SLC12A7: variants seen among roughly 807,000 people sequenced by gnomAD.
SLC12A7 encodes solute carrier family 12 member 7.
In SLC12A7, 100 loss-of-function variants were observed where a neutral mutation model predicts 120.6. The observed-to-expected ratio is 0.83, with a 90% CI of 0.71 to 0.98. The LOEUF (loss-of-function observed/expected upper bound fraction) is 0.98. Ranked by LOEUF, SLC12A7 falls within the 50% of genes least tolerant of loss-of-function variation. SLC12A7 has a pLI of 0.00. For missense variants in SLC12A7, 1,373 were observed against 1,548.1 expected (o/e 0.89, Z 1.90); for synonymous variants, 760 against 678.0 (o/e 1.12, Z -1.88).
At chr5:1,152,996 T>G in the SLC12A7 span, among the ~76,000 whole-genome samples, 1 of 152,222 alleles carries the variant, frequency 6.6e-6, no homozygotes, top group East Asian at 1.9e-4. Flanking sequence ...TTTTTAAACT[T>G]GGTTTACATT....
intron 20 of SLC12A7, among the ~76,000 whole-genome samples, chr5:1,061,073 C>T (rs1384437830): frequency 9.7e-5 from 10 of 103,348 alleles, no homozygotes; most frequent in African/African-American, 3.6e-4. Flanking sequence ...ACCCGCCGCA[C>T]CTGCCGCATC....
intron 10 of SLC12A7, 122 bp from the exon 11 acceptor site, chr5:1,078,880 T>C: frequency 2.7e-6 from 2 of 741,562 alleles, no homozygotes; most frequent in South Asian, 3.3e-5. Flanking sequence ...AGGATCCAGG[T>C]GGGCGGGGAC....
intron 16 of SLC12A7, among the ~76,000 whole-genome samples, 186 bp downstream of exon 16, chr5:1,074,381 C>A (rs1738082376): frequency 6.6e-6 from 1 of 152,304 alleles, no homozygotes; most frequent in South Asian, 2.1e-4. Flanking sequence ...CCCCACCCTG[C>A]AGCAGGGACA....
chr5:1,080,645 G>T (rs1738944085), intron 9 of SLC12A7, among the ~76,000 whole-genome samples: 1 of 152,228 alleles, frequency 6.6e-6, no homozygotes, highest in Admixed American at 6.5e-5. Flanking sequence ...GAGACAGCCG[G>T]GGGCGTGTGT....
chr5:1,149,187 A>G, the SLC12A7 span, among the ~76,000 whole-genome samples: 2 of 146,854 alleles, frequency 1.4e-5, no homozygotes, highest in East Asian at 3.9e-4. Context: ...AGCTTCTGAC[A>G]TCTGTTTTCC....
At position 1,076,775 on chromosome 5, in the gene SLC12A7, C is replaced by T. The variant is rs760840657; in HGVS notation, c.1667G>A (p.Trp556Ter). 2 of 1,611,102 alleles carry T rather than the reference C, an allele frequency of 1.2e-6. No individual in the cohort carries two copies. The highest frequency in any genetic ancestry group is 8.5e-7 in the Non-Finnish European group (1 of 1,179,936). Residue 556 changes from tryptophan (W) to a stop codon, truncating the protein, a stop_gained, in exon 13 of 24, where the codon TGG becomes TAG. Coordinates refer to ENST00000264930, the MANE Select transcript of SLC12A7 (RefSeq NM_006598.3). LOFTEE classifies it high-confidence loss of function. ...GHGKANGEPT[W>*]ALLLTVLICE... is the part of the protein sequence containing the mutation. Reference sequence around the variant, plus strand: ...GATGAGGACTGTCAGCAGCAGCGCCCACGTGGGCTCCCCGTTGGCCTTCCC... The same window carrying T: ...GATGAGGACTGTCAGCAGCAGCGCCTACGTGGGCTCCCCGTTGGCCTTCCC...
At chr5:1,074,056 G>A (rs1379766913) in intron 16 of SLC12A7, among the ~76,000 whole-genome samples, 1 of 152,160 alleles carries the variant, frequency 6.6e-6, no homozygotes, top group Non-Finnish European at 1.5e-5. Flanking sequence ...ATGGACAGGT[G>A]GGCACTAGCC....
Position 1,073,625 on chromosome 5 carries a change from C to G in SLC12A7, c.2241+8G>C, listed in dbSNP as rs181650488. 3 of 1,597,934 alleles carry G rather than the reference C, an allele frequency of 1.9e-6. No homozygotes were observed. Among genetic ancestry groups the G allele is most frequent in the Non-Finnish European group, 2.6e-6 (3 of 1,173,718 alleles). On this transcript the variant is annotated splice_region_variant and intron_variant, in intron 17 of 23. Coordinates refer to ENST00000264930, the MANE Select transcript of SLC12A7 (RefSeq NM_006598.3). Reference sequence around the variant, plus strand: ...AGAGGCCTGGCCCCCAGACCCCGCCCGGCCCACCTCCTCGGCCCGCTGAGC... The same window carrying G: ...AGAGGCCTGGCCCCCAGACCCCGCCGGGCCCACCTCCTCGGCCCGCTGAGC...
the SLC12A7 span, among the ~76,000 whole-genome samples, chr5:1,146,698 G>A: frequency 6.6e-6 from 1 of 152,154 alleles, no homozygotes; most frequent in East Asian, 1.9e-4. This position sits in a 1 kb window ranked among gnomAD's most constrained non-coding sequence, Gnocchi z 6.5. Context: ...TCTTCTCTCT[G>A]GAGCCTGCTA....
the SLC12A7 span, among the ~76,000 whole-genome samples, chr5:1,126,822 G>A: frequency 9.1e-4 from 139 of 152,318 alleles, 5 homozygotes; most frequent in South Asian, 0.027. Flanking sequence ...CTTAAGGGAC[G>A]AGTCACCACT....
At chr5:1,098,335 C>A (rs1741569603) in intron 1 of SLC12A7, among the ~76,000 whole-genome samples, 1 of 13,386 alleles carries the variant, frequency 7.5e-5, no homozygotes, top group Non-Finnish European at 1.7e-4. Context: ...CCCCCTCTAA[C>A]CCTCTGCACA....
the SLC12A7 span, among the ~76,000 whole-genome samples, chr5:1,149,115 C>T: frequency 4.3e-5 from 6 of 138,862 alleles, no homozygotes; most frequent in African/African-American, 1.7e-4. Context: ...AGAAGGGGGA[C>T]TGTGGATCCT....
chr5:1,059,427 C>T (rs1249758849), intron 21 of SLC12A7, among the ~76,000 whole-genome samples: 8 of 152,222 alleles, frequency 5.3e-5, no homozygotes, highest in Admixed American at 2.6e-4. Context: ...CTGCCTCCGC[C>T]GTCACTGCAG....
intron 1 of SLC12A7, among the ~76,000 whole-genome samples, chr5:1,094,640 C>A (rs1329909586): frequency 6.6e-6 from 1 of 152,208 alleles, no homozygotes; most frequent in African/African-American, 2.4e-5. Context: ...GGCAAGGGTA[C>A]CTCCCTCTGG....
chr5:1,155,412 C>T, the SLC12A7 span, among the ~76,000 whole-genome samples: 273 of 152,266 alleles, frequency 1.8e-3, 1 homozygote, highest in African/African-American at 6.2e-3. Flanking sequence ...GAGGGCGCCC[C>T]GGGAGCTGTC....
chr5:1,098,923 C>T (rs1741689410), intron 1 of SLC12A7, among the ~76,000 whole-genome samples: 1 of 151,910 alleles, frequency 6.6e-6, no homozygotes, highest in South Asian at 2.1e-4. Flanking sequence ...GGGGATAGAG[C>T]CACTCGCCTG....
chr5:1,155,642 C>T, the SLC12A7 span, among the ~76,000 whole-genome samples: 4 of 151,266 alleles, frequency 2.6e-5, no homozygotes, highest in Admixed American at 2.6e-4. Flanking sequence ...CACCTGCGCC[C>T]CTCGAGGGGA....
chr5:1,059,297 G>A (rs1187394791), intron 21 of SLC12A7, among the ~76,000 whole-genome samples: 1 of 152,220 alleles, frequency 6.6e-6, no homozygotes, highest in Non-Finnish European at 1.5e-5. Context: ...CTCTGTTGGG[G>A]GAGAGCAGCA....
At chr5:1,065,612 C>T (rs577492535) in intron 17 of SLC12A7, 134 bp from the exon 18 acceptor site, 12 of 651,538 alleles carry the variant, frequency 1.8e-5, no homozygotes, top group African/African-American at 3.7e-5. Flanking sequence ...GAAGGCTCAA[C>T]GGTGTGCTGC....
Sources: allele counts gnomAD v4.1 joint callset (sites outside exome capture counted in the v4.1 genomes callset), GRCh38; gene constraint gnomAD v4.1.1; non-coding constraint Gnocchi (gnomAD v3.1); transcripts MANE v1.5; gene names NCBI Gene and HGNC (gene_info 2026-07-23, HGNC 2026-07-21).